Variants in CCBE1 observed in about 807,000 individuals in gnomAD.
The protein encoded by CCBE1 is collagen and calcium binding EGF domains 1.
In CCBE1, 37 loss-of-function variants were observed where a neutral mutation model predicts 50.0. The observed-to-expected ratio is 0.74, with a 90% CI of 0.57 to 0.97. The LOEUF (loss-of-function observed/expected upper bound fraction) is 0.97, where lower values mean the gene tolerates loss of function less well. CCBE1 is among the 50% of genes least tolerant of loss of function. The pLI is 0.00. For missense variants in CCBE1, 538 were observed against 523.8 expected (o/e 1.03, Z -0.26); for synonymous variants, 234 against 203.7 (o/e 1.15, Z -1.27).
At chr18:59,628,579 G>A (rs1000597045) in intron 2 of CCBE1, among the ~76,000 whole-genome samples, 4 of 152,278 alleles carry the variant, frequency 2.6e-5, no homozygotes, top group African/African-American at 4.8e-5. Context: ...CCATGGCTTC[G>A]TGGGATGGAT....
chr18:59,526,742 A>G (rs888522831), intron 2 of CCBE1, among the ~76,000 whole-genome samples: 1 of 152,116 alleles, frequency 6.6e-6, no homozygotes, highest in African/African-American at 2.4e-5. Flanking sequence ...GAACTTCTCG[A>G]TTTCTGCTTT....
intron 2 of CCBE1, among the ~76,000 whole-genome samples, chr18:59,480,784 A>C: frequency 6.6e-6 from 1 of 152,076 alleles, no homozygotes; most frequent in East Asian, 1.9e-4. Flanking sequence ...GTACCATATA[A>C]GAAACTGAAA....
chr18:59,647,262 A>G (rs1439757640), intron 2 of CCBE1, among the ~76,000 whole-genome samples: 3 of 152,228 alleles, frequency 2.0e-5, no homozygotes, highest in Non-Finnish European at 2.9e-5. Context: ...CGTAATCTCC[A>G]AATATAATTA....
At chr18:59,622,806 A>G (rs1165869058) in intron 2 of CCBE1, among the ~76,000 whole-genome samples, 2 of 143,626 alleles carry the variant, frequency 1.4e-5, no homozygotes, top group Admixed American at 7.1e-5. Context: ...CATCTCAAAA[A>G]AAAAAGAAAG....
chr18:59,494,743 C>T (rs12956996), intron 2 of CCBE1, among the ~76,000 whole-genome samples: 3,296 of 152,240 alleles, frequency 0.022, 143 homozygotes, highest in East Asian at 0.21. Context: ...GTATTACATT[C>T]AGTTTGAACA....
intron 2 of CCBE1, among the ~76,000 whole-genome samples, chr18:59,601,395 G>A (rs2053431861): frequency 6.6e-6 from 1 of 152,008 alleles, no homozygotes; most frequent in African/African-American, 2.4e-5. Context: ...GTTTTATAAA[G>A]GGCAGTTCCC....
Position 59,447,983 on chromosome 18 carries a change from C to T in CCBE1, c.775G>A (p.Gly259Ser), listed in dbSNP as rs770468372. ...CTCCTGTGCCCTCTTCCACACTCAC[C>T]GGGAGGGCCCTGGCCCCCAGGCAGG... is the stretch of plus-strand genomic sequence containing the variant. ...PGLPGGQGPP[G>S]SPGPKGSPGF... Residue 259 changes from glycine (G) to serine (S), a missense_variant and splice_region_variant, in exon 7 of 11, where the codon GGC becomes AGC. By Grantham distance (56) the Gly-to-Ser change is moderately conservative (BLOSUM62 0). Coordinates refer to ENST00000439986, the MANE Select transcript of CCBE1 (RefSeq NM_133459.4). 7.4e-6 allele frequency: 12 copies of T among 1,614,000 alleles called. No homozygotes were observed. Among genetic ancestry groups the T allele is most frequent in the South Asian group, 2.2e-5 (2 of 91,082 alleles).
intron 6 of CCBE1, among the ~76,000 whole-genome samples, chr18:59,454,080 AAAAG>A (rs1421323273): frequency 2.6e-5 from 4 of 152,196 alleles, no homozygotes; most frequent in Non-Finnish European, 1.5e-5. Flanking sequence ...TCAAAAGTGA[AAAAG>A]AAAGCTGCTG....
Position 59,664,552 on chromosome 18 carries a change from C to T in CCBE1, c.212+32077G>A, listed in dbSNP as rs146298084. Among the ~76,000 whole-genome samples the T allele has an allele frequency of 2.0e-5, 3 of 152,332 alleles. No individual in the cohort carries two copies. The East Asian group carries it at 5.8e-4, about 29-fold the overall frequency. On this transcript the variant is annotated intron_variant, in intron 2 of 10. Coordinates refer to ENST00000439986, the MANE Select transcript of CCBE1 (RefSeq NM_133459.4). ...CTAAATATAAACAAAGGGCCTACTA[C>T]ACATACACATTAAGTAGCTTCAACA...
chr18:59,445,631 G>A (rs1441122051), intron 7 of CCBE1, among the ~76,000 whole-genome samples: 2 of 152,084 alleles, frequency 1.3e-5, no homozygotes, highest in Admixed American at 6.6e-5. Context: ...AAAAGCAGTC[G>A]ATGTTCCATC....
At chr18:59,692,491 C>T (rs1568276189) in intron 2 of CCBE1, among the ~76,000 whole-genome samples, 1 of 152,108 alleles carries the variant, frequency 6.6e-6, no homozygotes, top group African/African-American at 2.4e-5. Context: ...GCCCACTCCC[C>T]CGCCATGGGA....
At chr18:59,440,605 C>T (rs537650695) in intron 7 of CCBE1, among the ~76,000 whole-genome samples, 6 of 152,126 alleles carry the variant, frequency 3.9e-5, no homozygotes, top group South Asian at 2.1e-4. Context: ...TCAAGGCACT[C>T]GGTGGGTCAG....
chr18:59,466,814 C>T lies in CCBE1; in HGVS notation c.478G>A (p.Glu160Lys), dbSNP rs201900104. 82 of 1,613,636 alleles carry T rather than the reference C, an allele frequency of 5.1e-5. No individual in the cohort carries two copies. The highest frequency in any genetic ancestry group is 1.7e-4 in the Middle Eastern group (1 of 5,876). Residue 160 changes from glutamate (E) to lysine (K), a missense_variant, in exon 5 of 11, where the codon GAG (glutamate) becomes AAG (lysine). Transcript: ENST00000439986. ...TCCCGGATGTAGCCTTCCCGGCACT[C>T]GCAGCGGTAGCTGCCCAAGGTATTG... is the stretch of plus-strand genomic sequence containing the variant. ...CINTLGSYRCECREGYIREDD... is the reference protein window; with the variant it reads ...CINTLGSYRCKCREGYIREDD...
At chr18:59,553,564 C>G (rs1007193509) in intron 2 of CCBE1, among the ~76,000 whole-genome samples, 1 of 152,208 alleles carries the variant, frequency 6.6e-6, no homozygotes, top group African/African-American at 2.4e-5. Context: ...ATCATAAACT[C>G]AAGCCATTAA....
intron 2 of CCBE1, among the ~76,000 whole-genome samples, chr18:59,623,968 A>C (rs1303477742): frequency 6.6e-6 from 1 of 152,232 alleles, no homozygotes; most frequent in East Asian, 1.9e-4. Flanking sequence ...CGGTGCAAAC[A>C]CCCAAACCAC....
intron 5 of CCBE1, among the ~76,000 whole-genome samples, chr18:59,455,587 G>A (rs927926690): frequency 1.3e-5 from 2 of 152,206 alleles, no homozygotes; most frequent in Non-Finnish European, 1.5e-5. Context: ...TGGGCTTTTT[G>A]TAAAAACATT....
chr18:59,554,635 C>G (rs2052629841), intron 2 of CCBE1, among the ~76,000 whole-genome samples: 1 of 152,216 alleles, frequency 6.6e-6, no homozygotes, highest in East Asian at 1.9e-4. Context: ...TAGTATAGAA[C>G]AGGCCAACAC....
chr18:59,689,170 A>G (rs1030286461), intron 2 of CCBE1, among the ~76,000 whole-genome samples: 3 of 152,170 alleles, frequency 2.0e-5, no homozygotes, highest in African/African-American at 7.2e-5. Context: ...CTACCTGTTG[A>G]GAGCCCCCCT....
chr18:59,630,237 GGAAGATAAATTTATTAT>G, intron 2 of CCBE1, among the ~76,000 whole-genome samples: 1 of 149,766 alleles, frequency 6.7e-6, no homozygotes, highest in East Asian at 2.0e-4. Flanking sequence ...GCTGGCAGGA[GGAAGATAAATTTATTAT>G]TTGAAAGCCT....
Sources: gnomAD v4.1 joint callset for allele counts (sites outside exome capture counted in the v4.1 genomes callset) on GRCh38, gnomAD v4.1.1 for gene constraint, MANE v1.5 for transcripts, NCBI Gene and HGNC (gene_info 2026-07-23, HGNC 2026-07-21) for gene names.